Variants in ZNF407 observed in about 807,000 individuals in gnomAD.
ZNF407 encodes zinc finger protein 407.
A neutral mutation model predicts 131.2 loss-of-function variants in ZNF407; 17 were observed. That is an observed-to-expected ratio of 0.13 (90% CI 0.09 to 0.19). The LOEUF (loss-of-function observed/expected upper bound fraction) is 0.19, where lower values mean the gene tolerates loss of function less well. ZNF407 is among the 10% of genes least tolerant of loss of function. The probability of loss-of-function intolerance (pLI) is 1.00; values close to 1 mark genes in which losing one functional copy is unlikely to be tolerated. For missense variants in ZNF407, 2,681 were observed against 2,830.6 expected (o/e 0.95, Z 1.20); for synonymous variants, 1,156 against 1,062.0 (o/e 1.09, Z -1.72).
At chr18:74,762,434 G>A in intron 3 of ZNF407, among the ~76,000 whole-genome samples, 1 of 152,104 alleles carries the variant, frequency 6.6e-6, no homozygotes, top group Non-Finnish European at 1.5e-5. Flanking sequence ...ACGGAAATCT[G>A]TACATATTTG....
chr18:74,728,825 A>T (rs992466100), intron 3 of ZNF407, among the ~76,000 whole-genome samples: 1 of 152,240 alleles, frequency 6.6e-6, no homozygotes, highest in Admixed American at 6.5e-5. Context: ...CACAGAGGTG[A>T]AAACAGGAAA....
chr18:74,643,344 C>T (rs1347900802), intron 3 of ZNF407, among the ~76,000 whole-genome samples: 1 of 152,046 alleles, frequency 6.6e-6, no homozygotes, highest in South Asian at 2.1e-4. Flanking sequence ...TTACCTTTTA[C>T]AAAATCATGC....
intron 3 of ZNF407, among the ~76,000 whole-genome samples, chr18:74,710,078 C>T (rs1287014748): frequency 6.6e-6 from 1 of 152,116 alleles, no homozygotes; most frequent in Non-Finnish European, 1.5e-5. Context: ...ATGTCACTTT[C>T]GATACATTTT....
At chr18:74,781,263 ACAGTATATTTAAT>A (rs1969595477) in intron 3 of ZNF407, among the ~76,000 whole-genome samples, 152 bp from the exon 4 acceptor site, 1 of 152,188 alleles carries the variant, frequency 6.6e-6, no homozygotes, top group African/African-American at 2.4e-5. Flanking sequence ...TTGAAGTCCT[ACAGTATATTTAAT>A]CTGTATGCAA....
At chr18:74,880,055 A>G (rs1454251797) in intron 5 of ZNF407, among the ~76,000 whole-genome samples, 1 of 152,250 alleles carries the variant, frequency 6.6e-6, no homozygotes, top group Non-Finnish European at 1.5e-5. Flanking sequence ...AAAGTAGTTA[A>G]AGATAGATAC....
chr18:74,948,365 A>G (rs1053902369), intron 8 of ZNF407, among the ~76,000 whole-genome samples: 4 of 152,142 alleles, frequency 2.6e-5, no homozygotes, highest in African/African-American at 9.7e-5. Context: ...CATTACTGAG[A>G]CTGCTCCGTC....
chr18:74,819,852 T>A (rs2145100123), intron 4 of ZNF407, among the ~76,000 whole-genome samples: 1 of 152,314 alleles, frequency 6.6e-6, no homozygotes, highest in Admixed American at 6.5e-5. Flanking sequence ...GGACCTTAGC[T>A]GACTGACAGT....
intron 8 of ZNF407, among the ~76,000 whole-genome samples, chr18:74,960,227 T>A (rs1213565793): frequency 6.6e-6 from 1 of 152,044 alleles, no homozygotes; most frequent in Admixed American, 6.5e-5. Context: ...GAGTGTGGAC[T>A]GGGTGGAGGG....
chr18:75,041,864 G>A (rs554282631), intron 8 of ZNF407, among the ~76,000 whole-genome samples: 7 of 152,234 alleles, frequency 4.6e-5, no homozygotes, highest in South Asian at 4.2e-4. Flanking sequence ...ACCAGCGACC[G>A]CCTCCGATGT....
chr18:74,927,549 A>G (rs1004664453), intron 8 of ZNF407, among the ~76,000 whole-genome samples: 1 of 152,222 alleles, frequency 6.6e-6, no homozygotes, highest in Non-Finnish European at 1.5e-5. Context: ...CTTTTTCACC[A>G]TGGAGATGTG....
chr18:74,884,436 T>C (rs1256845345), intron 6 of ZNF407, among the ~76,000 whole-genome samples: 1 of 152,230 alleles, frequency 6.6e-6, no homozygotes, highest in Non-Finnish European at 1.5e-5. Context: ...ATTTGAATCA[T>C]CTGTGGTTGT....
rs536984177 is a variant in ZNF407 at position 75,064,167 on chromosome 18, A to G, written c.6446A>G (p.Glu2149Gly). ...GAGATCTCGCAGATCATCGTGACGG[A>G]GGAGCTGGTCCAGGCCATGGTGCAG... ...DGEISQIIVT[E>G]ELVQAMVQES... Residue 2149 changes from glutamate (E) to glycine (G), a missense_variant, in exon 9 of 9, where the codon GAG becomes GGG. This residue lies in a region of ZNF407 where 620 missense variants were observed against 583.1 expected (regional missense o/e 1.06). Transcript: ENST00000299687. 118 of 1,604,318 alleles carry G rather than the reference A, an allele frequency of 7.4e-5. 2 individuals carry two copies. In the South Asian group the frequency reaches 1.2e-3, roughly 17 times the overall value.
At position 74,714,244 on chromosome 18, in the gene ZNF407, A is replaced by G. The variant is rs145209606; in HGVS notation, c.4803-67184A>G. On this transcript the variant is annotated intron_variant, in intron 3 of 8. Transcript: ENST00000299687. ...GTAATTGCAAAAATTAACTTGTCAT[A>G]CACCATAGCTCAGCAAAGTCACTTC... Among the ~76,000 whole-genome samples, 7 of 152,356 alleles carry G rather than the reference A, an allele frequency of 4.6e-5. No individual in the cohort carries two copies. In the East Asian group the frequency reaches 1.3e-3, roughly 29 times the overall value.
At chr18:74,964,261 G>A (rs1972382878) in intron 8 of ZNF407, among the ~76,000 whole-genome samples, 1 of 152,168 alleles carries the variant, frequency 6.6e-6, no homozygotes, top group Non-Finnish European at 1.5e-5. Flanking sequence ...CAGTCCTTGT[G>A]AGGGATCATG....
At chr18:74,661,380 T>TTATA (rs141086882) in intron 3 of ZNF407, among the ~76,000 whole-genome samples, 7 of 147,044 alleles carry the variant, frequency 4.8e-5, no homozygotes, top group African/African-American at 1.5e-4. Flanking sequence ...AATAAAATAA[T>TTATA]TATATATATA....
intron 1 of ZNF407, among the ~76,000 whole-genome samples, chr18:74,603,678 A>G (rs763956225): frequency 5.3e-5 from 8 of 152,254 alleles, no homozygotes; most frequent in Non-Finnish European, 1.0e-4. Context: ...ATCTTTCTTT[A>G]TTCTTAAGCA....
At chr18:74,951,832 A>G (rs1972217743) in intron 8 of ZNF407, among the ~76,000 whole-genome samples, 1 of 152,126 alleles carries the variant, frequency 6.6e-6, no homozygotes, top group African/African-American at 2.4e-5. Context: ...TTTTTGGAAT[A>G]TTTAACAGAT....
chr18:74,724,152 A>T (rs1968103056), intron 3 of ZNF407, among the ~76,000 whole-genome samples: 1 of 152,200 alleles, frequency 6.6e-6, no homozygotes, highest in South Asian at 2.1e-4. Context: ...TTGGTATTAG[A>T]CAACTGAATG....
chr18:74,813,831 G>A (rs1003862670), intron 4 of ZNF407, among the ~76,000 whole-genome samples: 1 of 152,054 alleles, frequency 6.6e-6, no homozygotes, highest in Non-Finnish European at 1.5e-5. Context: ...TAGCAGCTTT[G>A]GTTTGCAGGA....
Sources: gnomAD v4.1 joint callset for allele counts (sites outside exome capture counted in the v4.1 genomes callset) on GRCh38, gnomAD v4.1.1 for gene constraint, gnomAD v4.1.1 regional missense constraint, MANE v1.5 for transcripts, NCBI Gene and HGNC (gene_info 2026-07-23, HGNC 2026-07-21) for gene names.